Variants in CSMD1 observed in about 807,000 individuals in gnomAD.
CSMD1 encodes CUB and sushi domain-containing protein 1.
Under a neutral mutation model 417.5 loss-of-function variants are expected in CSMD1, and 213 were observed. The observed-to-expected ratio is 0.51, with a 90% CI of 0.46 to 0.57. The LOEUF (loss-of-function observed/expected upper bound fraction) is 0.57. Among genes scored for constraint, CSMD1 ranks in the 20% least tolerant of loss-of-function variants. The pLI, the probability that CSMD1 is intolerant of heterozygous loss-of-function variation, is 0.00. For synonymous variants in CSMD1, 2,862 were observed against 1,736.8 expected, an observed-to-expected ratio of 1.65 and a Z score of -16.11; for missense variants, 6,923 against 4,529.7, an observed-to-expected ratio of 1.53 and a Z score of -15.17.
intron 49 of CSMD1, among the ~76,000 whole-genome samples, chr8:3,078,645 G>T (rs779417511): frequency 1.3e-5 from 2 of 152,090 alleles, no homozygotes; most frequent in Non-Finnish European, 2.9e-5. Flanking sequence ...AAAACTTAAA[G>T]ACAAAGAATA....
chr8:3,794,018 G>C (rs532876414), intron 5 of CSMD1, among the ~76,000 whole-genome samples: 1 of 152,106 alleles, frequency 6.6e-6, no homozygotes, highest in Non-Finnish European at 1.5e-5. Context: ...CCCACGCGTA[G>C]ACAGACGAAA....
chr8:3,600,829 A>C (rs1406139678), intron 8 of CSMD1, among the ~76,000 whole-genome samples: 1 of 145,814 alleles, frequency 6.9e-6, no homozygotes, highest in Non-Finnish European at 1.5e-5. Context: ...TGCAACATTC[A>C]TATGCATGTT....
At chr8:3,262,204 T>TAC (rs1801127121) in intron 26 of CSMD1, among the ~76,000 whole-genome samples, 2 of 90,600 alleles carry the variant, frequency 2.2e-5, no homozygotes, top group Non-Finnish European at 5.1e-5. Flanking sequence ...TATATATATA[T>TAC]ATATATATAT....
At chr8:4,393,469 T>C (rs1027380808) in intron 3 of CSMD1, among the ~76,000 whole-genome samples, 32 of 152,320 alleles carry the variant, frequency 2.1e-4, no homozygotes, top group African/African-American at 7.5e-4. Context: ...TGCATGATTA[T>C]GTTGAGATGG....
At chr8:4,609,516 A>T (rs190967088) in intron 2 of CSMD1, among the ~76,000 whole-genome samples, 2 of 152,324 alleles carry the variant, frequency 1.3e-5, no homozygotes, top group East Asian at 3.9e-4. Context: ...ATTAGCTATT[A>T]AACAACACTA....
intron 5 of CSMD1, among the ~76,000 whole-genome samples, chr8:3,972,683 A>G (rs531850540): frequency 3.3e-5 from 5 of 152,376 alleles, no homozygotes; most frequent in African/African-American, 1.2e-4. Context: ...CAGTGTTAGC[A>G]TGGATATTGC....
chr8:4,843,729 T>G (rs1256145571), intron 1 of CSMD1, among the ~76,000 whole-genome samples: 1 of 152,220 alleles, frequency 6.6e-6, no homozygotes, highest in Non-Finnish European at 1.5e-5. Flanking sequence ...TTTTACACAA[T>G]GCCTATCACA....
chr8:2,948,820 C>T (rs1187025246), intron 68 of CSMD1, among the ~76,000 whole-genome samples: 8 of 152,090 alleles, frequency 5.3e-5, no homozygotes, highest in Admixed American at 5.2e-4. Context: ...ACATGAGCAT[C>T]TTTTCCTGCT....
chr8:4,021,520 G>C (rs910623178), intron 4 of CSMD1, among the ~76,000 whole-genome samples: 4 of 152,168 alleles, frequency 2.6e-5, no homozygotes, highest in African/African-American at 9.7e-5. Flanking sequence ...TCAGTAGAGT[G>C]TGGATGCTCC....
intron 7 of CSMD1, among the ~76,000 whole-genome samples, chr8:3,670,489 G>GTATA (rs756258873): frequency 2.8e-5 from 4 of 143,188 alleles, no homozygotes; most frequent in East Asian, 2.1e-4. Context: ...TATATATCCC[G>GTATA]TATATATATC....
intron 3 of CSMD1, among the ~76,000 whole-genome samples, chr8:4,167,936 T>C (rs1797546477): frequency 6.6e-6 from 1 of 152,006 alleles, no homozygotes; most frequent in Non-Finnish European, 1.5e-5. Flanking sequence ...AAGACCAGCC[T>C]GGCCAGCATG....
chr8:4,099,091 C>G (rs1345274873), intron 3 of CSMD1, among the ~76,000 whole-genome samples: 1 of 151,992 alleles, frequency 6.6e-6, no homozygotes, highest in South Asian at 2.1e-4. Context: ...TTATTTTCAT[C>G]TGTTTTTTTC....
chr8:4,677,521 G>A lies in CSMD1; in HGVS notation c.86-39963C>T, dbSNP rs75105934. On this transcript the variant is annotated intron_variant, in intron 1 of 69. Coordinates refer to ENST00000635120, the MANE Select transcript of CSMD1 (RefSeq NM_033225.6). ...TTCAAGCCAGAAGAAATTTTCCAGT[G>A]AAGGATTTCCTTATAATCTGCACTA... is the stretch of plus-strand genomic sequence containing the variant. Among the ~76,000 whole-genome samples the A allele has an allele frequency of 9.5e-3, 1,452 of 152,246 alleles. 24 individuals are homozygous for A. Among genetic ancestry groups the A allele is most frequent in the African/African-American group, 0.033 (1,376 of 41,546 alleles).
intron 11 of CSMD1, among the ~76,000 whole-genome samples, chr8:3,491,347 A>G (rs967249244): frequency 6.6e-5 from 10 of 152,306 alleles, no homozygotes; most frequent in African/African-American, 2.4e-4. Context: ...AAGCAATGAT[A>G]TTATTAGACC....
chr8:3,534,975 T>A (rs1457487528), intron 10 of CSMD1, among the ~76,000 whole-genome samples: 1 of 152,182 alleles, frequency 6.6e-6, no homozygotes, highest in African/African-American at 2.4e-5. Context: ...ATTGACAGCA[T>A]CTGGCTTTGT....
At chr8:3,957,041 G>C (rs539661353) in intron 5 of CSMD1, among the ~76,000 whole-genome samples, 1 of 152,012 alleles carries the variant, frequency 6.6e-6, no homozygotes, top group Non-Finnish European at 1.5e-5. Flanking sequence ...TATCTCAGAA[G>C]GAAGAAATAA....
At chr8:3,956,819 G>A (rs369274349) in intron 5 of CSMD1, among the ~76,000 whole-genome samples, 7 of 152,124 alleles carry the variant, frequency 4.6e-5, no homozygotes, top group African/African-American at 7.2e-5. Flanking sequence ...CAGCCGTTAC[G>A]GAAGGAAGAG....
At chr8:4,170,596 C>G (rs1172840353) in intron 3 of CSMD1, among the ~76,000 whole-genome samples, 2 of 151,780 alleles carry the variant, frequency 1.3e-5, no homozygotes, top group African/African-American at 4.9e-5. Context: ...CTTTCAAATT[C>G]TGTTTCTACA....
intron 3 of CSMD1, among the ~76,000 whole-genome samples, chr8:4,057,330 T>G (rs1340165239): frequency 6.6e-6 from 1 of 152,236 alleles, no homozygotes; most frequent in Non-Finnish European, 1.5e-5. Context: ...ATAAATGTCT[T>G]CTTTTGAGAA....
Sources: allele counts gnomAD v4.1 joint callset (sites outside exome capture counted in the v4.1 genomes callset), GRCh38; gene constraint gnomAD v4.1.1; transcripts MANE v1.5; gene names NCBI Gene and HGNC (gene_info 2026-07-23, HGNC 2026-07-21).